RNF6: variants seen among roughly 807,000 people sequenced by gnomAD.
The protein encoded by RNF6 is ring finger protein 6.
In RNF6, 21 loss-of-function variants were observed where a neutral mutation model predicts 50.1. That is an observed-to-expected ratio of 0.42 (90% confidence interval 0.30 to 0.60). RNF6 has a LOEUF of 0.60. RNF6 is among the 20% of genes least tolerant of loss of function. RNF6 has a pLI of 0.20. For synonymous variants in RNF6, 255 were observed against 291.8 expected (o/e 0.87, Z 1.29); for missense variants, 698 against 838.2 (o/e 0.83, Z 2.07).
At chr13:26,152,469 G>A (rs1162588681) in intron 5 of RNF6, among the ~76,000 whole-genome samples, 1 of 152,188 alleles carries the variant, frequency 6.6e-6, no homozygotes, top group Non-Finnish European at 1.5e-5. Flanking sequence ...AGCAGGCTGT[G>A]TTCCTTCAGC....
rs143463322 is a variant in RNF6 at position 26,213,701 on chromosome 13, T to C, written c.*123A>G. Reference sequence around the variant, plus strand: ...CAAGTTTAAAAAAGCACACGAAAAATAGTTCAAACTATATATAATCTGTTA... The same window carrying C: ...CAAGTTTAAAAAAGCACACGAAAAACAGTTCAAACTATATATAATCTGTTA... On this transcript the variant is annotated 3_prime_UTR_variant, in exon 5 of 5. Coordinates refer to ENST00000381588, the MANE Select transcript of RNF6 (RefSeq NM_005977.4). 8.5e-5 allele frequency: 53 copies of C among 627,216 alleles called. No homozygotes were observed. The African/African-American group carries it at 8.5e-4, about 10-fold the overall frequency. The allele number at this position is 627,216 out of a possible 1,614,324, so 38.9% of individuals were successfully genotyped here.
intron 5 of RNF6, among the ~76,000 whole-genome samples, chr13:26,206,883 C>T (rs750032540): frequency 4.0e-5 from 6 of 150,856 alleles, no homozygotes; most frequent in Non-Finnish European, 5.9e-5. Flanking sequence ...CATGGGCCCT[C>T]GACACTTTTC....
Position 26,145,445 on chromosome 13 carries a change from TG to T in RNF6, n.769-12995del, listed in dbSNP as rs71188712. Reference sequence around the variant, plus strand: ...GGCCTAGTAGGAGGTGACTGAATCATGGGGAGGGGGGGGGACTTCCCCCTTA... The same window carrying T: ...GGCCTAGTAGGAGGTGACTGAATCATGGGAGGGGGGGGGACTTCCCCCTTA... On this transcript the variant is annotated intron_variant and non_coding_transcript_variant, in intron 5 of 5. Coordinates refer to the RNF6 transcript ENST00000468480. 3.4e-4 allele frequency among the ~76,000 whole-genome samples: 16 copies of T among 46,768 alleles called. No individual in the cohort carries two copies. In the East Asian group the frequency reaches 8.6e-3, roughly 25 times the overall value. The allele number at this position is 46,768 out of a possible 152,430, so 30.7% of individuals were successfully genotyped here.
At chr13:26,179,842 C>T (rs1873147445) in intron 5 of RNF6, among the ~76,000 whole-genome samples, 1 of 152,208 alleles carries the variant, frequency 6.6e-6, no homozygotes, top group African/African-American at 2.4e-5. Flanking sequence ...GAATACACTT[C>T]ACTAGGCCCA....
intron 5 of RNF6, among the ~76,000 whole-genome samples, chr13:26,157,008 T>A (rs1044607859): frequency 6.6e-6 from 1 of 152,146 alleles, no homozygotes; most frequent in Admixed American, 6.5e-5. Flanking sequence ...AGAGGAAAGA[T>A]TTAAAGTTAA....
At chr13:26,182,497 G>C (rs1012205964) in intron 5 of RNF6, among the ~76,000 whole-genome samples, 2 of 152,120 alleles carry the variant, frequency 1.3e-5, no homozygotes, top group Non-Finnish European at 2.9e-5. Flanking sequence ...ATTGTAAATG[G>C]TATTTTTCCA....
At chr13:26,205,386 T>A (rs571955641) in intron 5 of RNF6, among the ~76,000 whole-genome samples, 2 of 152,352 alleles carry the variant, frequency 1.3e-5, no homozygotes, top group Admixed American at 6.5e-5. Flanking sequence ...TGAGGCTCAA[T>A]GTTATAAAAT....
intron 4 of RNF6, among the ~76,000 whole-genome samples, chr13:26,216,530 A>G (rs1308426009): frequency 6.6e-6 from 1 of 152,192 alleles, no homozygotes; most frequent in Non-Finnish European, 1.5e-5. Context: ...TTTGACTAAG[A>G]TACTGCCACT....
At chr13:26,148,632 T>TTATAAATATATA (rs1871379982) in intron 5 of RNF6, among the ~76,000 whole-genome samples, 1 of 47,086 alleles carries the variant, frequency 2.1e-5, no homozygotes, top group Non-Finnish European at 3.7e-5. Context: ...ATAAATCTCT[T>TTATAAATATATA]TATATATATA....
At chr13:26,164,150 ATGGG>A (rs1566415676) in intron 5 of RNF6, among the ~76,000 whole-genome samples, 2 of 152,198 alleles carry the variant, frequency 1.3e-5, no homozygotes, top group Admixed American at 6.5e-5. Flanking sequence ...CTAATTAAGT[ATGGG>A]TTTCTTTTTA....
chr13:26,205,876 G>A (rs746903491), intron 5 of RNF6, among the ~76,000 whole-genome samples: 35 of 152,260 alleles, frequency 2.3e-4, no homozygotes, highest in Non-Finnish European at 4.3e-4. Context: ...GCTGAGTGTG[G>A]TGGCACATGC....
chr13:26,222,696 C>T (rs1870636775), upstream of RNF6: 1 of 152,292 alleles, frequency 6.6e-6, no homozygotes, highest in Non-Finnish European at 1.5e-5. Flanking sequence ...CATCCTGTCG[C>T]CCAGGCTAGA....
intron 4 of RNF6, among the ~76,000 whole-genome samples, chr13:26,216,478 T>C (rs144705145): frequency 6.6e-6 from 1 of 152,296 alleles, no homozygotes; most frequent in Non-Finnish European, 1.5e-5. Flanking sequence ...CAATTAATAT[T>C]GCTCAATTAA....
rs181923843 is a variant in RNF6 at position 26,132,155 on chromosome 13, T to C, written n.1065A>G. 101 of 216,084 alleles carry C rather than the reference T, an allele frequency of 4.7e-4. 1 individual carries two copies. The highest frequency in any genetic ancestry group is 3.7e-3 in the East Asian group (32 of 8,608). The allele number at this position is 216,084 out of a possible 1,614,324, so 13.4% of individuals were successfully genotyped here. A position where few individuals can be genotyped will look rare whatever the true frequency, so the allele number is the denominator to read the frequency against. On this transcript the variant is annotated non_coding_transcript_exon_variant, in exon 6 of 6. Transcript: ENST00000468480. ...TTTTTTTTAATTACATAAATGCTTA[T>C]TGCATTACAATAAATTACAATTCCA...
intron 5 of RNF6, among the ~76,000 whole-genome samples, chr13:26,197,868 A>G (rs1240879503): frequency 6.6e-6 from 1 of 151,892 alleles, no homozygotes; most frequent in East Asian, 1.9e-4. Context: ...TTCTCTGATC[A>G]TATGGGAATT....
At chr13:26,182,302 G>A (rs1171326421) in intron 5 of RNF6, among the ~76,000 whole-genome samples, 1 of 152,010 alleles carries the variant, frequency 6.6e-6, no homozygotes, top group Non-Finnish European at 1.5e-5. Flanking sequence ...CAGACCCATC[G>A]ATTTAAAGAA....
intron 5 of RNF6, among the ~76,000 whole-genome samples, chr13:26,161,283 T>C (rs962871835): frequency 1.3e-5 from 2 of 152,228 alleles, no homozygotes; most frequent in African/African-American, 2.4e-5. Flanking sequence ...TATTCTTTTA[T>C]AATATTTTTA....
chr13:26,191,065 C>T (rs548696638), intron 5 of RNF6, among the ~76,000 whole-genome samples: 3 of 152,084 alleles, frequency 2.0e-5, no homozygotes, highest in Non-Finnish European at 1.5e-5. Context: ...AAAATGAGAA[C>T]ATTAAACACT....
intron 5 of RNF6, among the ~76,000 whole-genome samples, chr13:26,179,870 A>G (rs2137655462): frequency 6.6e-6 from 1 of 152,352 alleles, no homozygotes; most frequent in East Asian, 1.9e-4. Flanking sequence ...GACTACCACA[A>G]GCAGGACATC....
Sources: allele counts gnomAD v4.1 joint callset (sites outside exome capture counted in the v4.1 genomes callset), GRCh38; gene constraint gnomAD v4.1.1; transcripts MANE v1.5; gene names NCBI Gene and HGNC (gene_info 2026-07-23, HGNC 2026-07-21).